Variants in SLC9C2 observed in about 807,000 individuals in gnomAD.
SLC9C2 encodes sodium/hydrogen exchanger 11.
In SLC9C2, 75 loss-of-function variants were observed where a neutral mutation model predicts 140.2. The ratio of observed to expected loss-of-function variants is 0.53; its 90% CI spans 0.44 to 0.65. The LOEUF (loss-of-function observed/expected upper bound fraction) is 0.65. SLC9C2 is among the 30% of genes least tolerant of loss of function. The pLI is 0.00. For missense variants in SLC9C2, 1,074 were observed against 1,331.8 expected (o/e 0.81, Z 3.01); for synonymous variants, 375 against 420.9 (o/e 0.89, Z 1.34).
At chr1:173,548,631 A>G in intron 11 of SLC9C2, 79 bp from the exon 12 acceptor site, 3 of 1,502,436 alleles carry the variant, frequency 2.0e-6, no homozygotes, top group South Asian at 1.2e-5. Flanking sequence ...TTGCATGATC[A>G]TGTAGTGAAA....
At chr1:173,544,230 T>G (rs1662664172) in intron 13 of SLC9C2, among the ~76,000 whole-genome samples, 1 of 152,168 alleles carries the variant, frequency 6.6e-6, no homozygotes, top group Non-Finnish European at 1.5e-5. Context: ...AAGAAGACAC[T>G]TATGCAGCCA....
Position 173,534,569 on chromosome 1 carries a change from G to C in SLC9C2, c.1889C>G (p.Pro630Arg). The change falls in exon 16 of 28, where the codon CCA (proline) becomes CGA (arginine). Residue 630 changes from proline (P) to arginine (R), a missense_variant. Pro to Arg is a moderately radical substitution (Grantham distance 103). Transcript: ENST00000367714. ...TGATACATTTAAACCTCTTGCCATT[G>C]GCCACAGATGTATTATCATAGGATA... is the stretch of plus-strand genomic sequence containing the variant. ...YIYPMIIHLW[P>R]MARGLNVSAL... is the part of the protein sequence containing the mutation. 6.3e-7 allele frequency: 1 copy of C among 1,596,798 alleles called. No homozygotes were observed. Among genetic ancestry groups the C allele is most frequent in the Non-Finnish European group, 8.5e-7 (1 of 1,173,190 alleles).
At chr1:173,569,850 T>C (rs1664733049) in intron 9 of SLC9C2, among the ~76,000 whole-genome samples, 1 of 152,170 alleles carries the variant, frequency 6.6e-6, no homozygotes, top group Non-Finnish European at 1.5e-5. Context: ...TCTATTCTAT[T>C]GTGATTACGC....
intron 9 of SLC9C2, among the ~76,000 whole-genome samples, chr1:173,569,387 G>T (rs12033786): frequency 6.6e-6 from 1 of 151,442 alleles, no homozygotes; most frequent in East Asian, 2.0e-4. Flanking sequence ...TTCTTTATCC[G>T]TGATCTTTGG....
At chr1:173,564,258 C>T (rs1237545888) in intron 9 of SLC9C2, among the ~76,000 whole-genome samples, 1 of 152,170 alleles carries the variant, frequency 6.6e-6, no homozygotes, top group East Asian at 1.9e-4. Context: ...TCTGTGTTTA[C>T]TTTTTTGAGG....
intron 3 of SLC9C2, 22 bp from the exon 4 acceptor site, chr1:173,598,054 A>C: frequency 6.4e-7 from 1 of 1,564,680 alleles, no homozygotes; most frequent in Non-Finnish European, 8.6e-7. Flanking sequence ...AAGGCAAACA[A>C]GAAATTAGTT....
At chr1:173,507,882 G>T (rs562303737) in intron 24 of SLC9C2, among the ~76,000 whole-genome samples, 2 of 151,836 alleles carry the variant, frequency 1.3e-5, no homozygotes, top group Admixed American at 6.6e-5. Context: ...GTTTTTTTAC[G>T]CCACCCAGTT....
intron 19 of SLC9C2, among the ~76,000 whole-genome samples, chr1:173,525,429 T>C (rs530324379): frequency 5.9e-5 from 9 of 152,270 alleles, no homozygotes; most frequent in African/African-American, 1.7e-4. Flanking sequence ...ATATTCAACA[T>C]TGAACACAAT....
At chr1:173,590,317 GATGAACTAT>G (rs1666086211) in intron 4 of SLC9C2, among the ~76,000 whole-genome samples, 1 of 151,296 alleles carries the variant, frequency 6.6e-6, no homozygotes, top group Admixed American at 6.6e-5. Flanking sequence ...GGCTAGAACT[GATGAACTAT>G]ATTAATTCTC....
intron 25 of SLC9C2, among the ~76,000 whole-genome samples, chr1:173,506,198 G>C (rs973742588): frequency 6.6e-6 from 1 of 152,210 alleles, no homozygotes; most frequent in African/African-American, 2.4e-5. Flanking sequence ...CCTGAACTGG[G>C]AGAAAAGGTC....
chr1:173,524,736 A>G, intron 20 of SLC9C2, 43 bp downstream of exon 20: 1 of 1,604,346 alleles, frequency 6.2e-7, no homozygotes, highest in South Asian at 1.1e-5. Context: ...TAAAGTAACC[A>G]TGAAGGCTGG....
Position 173,515,269 on chromosome 1 carries a change from A to C in SLC9C2, c.2907+2268T>G, listed in dbSNP as rs539540634. Among the ~76,000 whole-genome samples, 3 of 152,176 alleles carry C rather than the reference A, an allele frequency of 2.0e-5. No homozygotes were observed. In the South Asian group the frequency reaches 6.2e-4, roughly 32 times the overall value. On this transcript the variant is annotated intron_variant, in intron 23 of 27. Transcript: ENST00000367714. The stretch of plus-strand genomic sequence containing the variant: ...GAAGTGTGTTTTCCAACTTGGTTTC[A>C]TTCTCCCTGCCTCTTTAGGTACTCC...
chr1:173,593,696 T>C (rs1353536475), intron 4 of SLC9C2, among the ~76,000 whole-genome samples: 2 of 151,732 alleles, frequency 1.3e-5, no homozygotes, highest in African/African-American at 4.8e-5. Flanking sequence ...ACCAAGCAAA[T>C]GGAAATCAGA....
chr1:173,509,900 T>C (rs1659924172), intron 23 of SLC9C2, among the ~76,000 whole-genome samples: 1 of 152,224 alleles, frequency 6.6e-6, no homozygotes, highest in Admixed American at 6.5e-5. Context: ...TATGGTGTGA[T>C]TAAAGCTATA....
At chr1:173,600,036 A>G (rs924892361) in intron 3 of SLC9C2, 81 bp downstream of exon 3, 12 of 850,714 alleles carry the variant, frequency 1.4e-5, no homozygotes, top group East Asian at 2.7e-5. Context: ...AAAACATTCC[A>G]TGCATTCAGG....
chr1:173,530,385 C>T (rs962414845), intron 17 of SLC9C2, among the ~76,000 whole-genome samples: 1 of 152,286 alleles, frequency 6.6e-6, no homozygotes, highest in East Asian at 1.9e-4. Flanking sequence ...ATTCTCTGTA[C>T]CCCCAGATTT....
rs1160684044 is a variant in SLC9C2 at position 173,500,923 on chromosome 1, A to G, written c.*171T>C. ...AAATTAAGAAGTTTTACAGAAGTCC[A>G]TCCATTGCTTATAAACTAAATGCAG... On this transcript the variant is annotated 3_prime_UTR_variant, in exon 28 of 28. Transcript: ENST00000367714. 2.2e-5 allele frequency: 14 copies of G among 625,126 alleles called. No individual in the cohort carries two copies. Among genetic ancestry groups the G allele is most frequent in the Non-Finnish European group, 4.6e-6 (2 of 430,642 alleles). 38.7% of individuals were successfully genotyped at this position (625,126 alleles called of 1,614,324 possible).
rs183356246 is a variant in SLC9C2, at chr1:173,584,498, A to G, written c.524-876T>C. ...AGTCTTCATTTTACCTTCTCTTTCA[A>G]AAGATATTTTCACTGAGTGTAGAAT... On this transcript the variant is annotated intron_variant, in intron 5 of 27. Coordinates refer to ENST00000367714, the MANE Select transcript of SLC9C2 (RefSeq NM_178527.4). Among the ~76,000 whole-genome samples the G allele has an allele frequency of 3.9e-5, 6 of 152,254 alleles. No individual in the cohort carries two copies. In the East Asian group the frequency reaches 9.6e-4, roughly 24 times the overall value.
At chr1:173,522,494 C>A (rs930784605) in intron 21 of SLC9C2, among the ~76,000 whole-genome samples, 1 of 152,270 alleles carries the variant, frequency 6.6e-6, no homozygotes, top group South Asian at 2.1e-4. Context: ...CATCAGCAGG[C>A]GCAGTGCCTG....
Sources: allele counts gnomAD v4.1 joint callset (sites outside exome capture counted in the v4.1 genomes callset), GRCh38; gene constraint gnomAD v4.1.1; transcripts MANE v1.5; gene names NCBI Gene and HGNC (gene_info 2026-07-23, HGNC 2026-07-21).